The following DPP6 variants were observed in gnomAD, a reference collection of about 807,000 sequenced individuals.
DPP6 encodes dipeptidyl peptidase like 6, also known as A-type potassium channel modulatory protein DPP6.
A neutral mutation model predicts 122.6 loss-of-function variants in DPP6; 69 were observed. The ratio of observed to expected loss-of-function variants is 0.56; its 90% CI spans 0.46 to 0.69. The LOEUF (loss-of-function observed/expected upper bound fraction) is 0.69, where lower values mean the gene tolerates loss of function less well. DPP6 is among the 30% of genes least tolerant of loss of function. The pLI is 0.00. For missense variants in DPP6, 928 were observed against 1,116.9 expected, an observed-to-expected ratio of 0.83 and a Z score of 2.41; for synonymous variants, 418 against 433.1, an observed-to-expected ratio of 0.97 and a Z score of 0.43.
intron 1 of DPP6, among the ~76,000 whole-genome samples, chr7:154,135,856 G>GCACTTCCTGTGAGCCCA (rs1444084282): frequency 1.4e-5 from 2 of 140,386 alleles, no homozygotes; most frequent in African/African-American, 6.5e-5. Context: ...TTCTCTCTGT[G>GCACTTCCTGTGAGCCCA]CACTTCCTGT....
intron 3 of DPP6, among the ~76,000 whole-genome samples, chr7:154,503,679 G>A (rs1825435163): frequency 6.7e-6 from 1 of 149,232 alleles, no homozygotes; most frequent in Non-Finnish European, 1.5e-5. Flanking sequence ...TTTAAGATCA[G>A]CATCAAATAT....
intron 1 of DPP6, among the ~76,000 whole-genome samples, chr7:154,008,811 G>A (rs1467999493): frequency 4.6e-5 from 7 of 151,506 alleles, no homozygotes; most frequent in South Asian, 2.1e-4. Flanking sequence ...ACAGGCGCCC[G>A]CCACTACGCC....
intron 1 of DPP6, among the ~76,000 whole-genome samples, chr7:154,070,876 G>T (rs144095858): frequency 4.6e-5 from 7 of 152,114 alleles, no homozygotes; most frequent in Admixed American, 6.5e-5. Context: ...AGTATGGCAT[G>T]AATAGCTGTT....
In DPP6 at chr7:154,446,207, T is replaced by C. The variant is rs766578018; in HGVS notation, c.244-7T>C. The C allele has an allele frequency of 6.3e-7, 1 of 1,580,728 alleles. No homozygotes were observed. The highest frequency in any genetic ancestry group is 1.2e-5 in the South Asian group (1 of 85,856). On this transcript the variant is annotated splice_region_variant and splice_polypyrimidine_tract_variant and intron_variant, in intron 1 of 25. Transcript: ENST00000377770. ...ACTGGGGTTTTCTTTGTTGTTGCTG[T>C]TTTTAGGAGCTGGTGGGGAGTAACC...
At chr7:154,843,552 G>A (rs374273766) in intron 16 of DPP6, among the ~76,000 whole-genome samples, 15 of 152,282 alleles carry the variant, frequency 9.9e-5, no homozygotes, top group East Asian at 1.9e-4. Flanking sequence ...TTCTGACCAC[G>A]GAATTCTCAT....
At chr7:154,421,278 C>T (rs939003321) in intron 1 of DPP6, among the ~76,000 whole-genome samples, 5 of 151,144 alleles carry the variant, frequency 3.3e-5, no homozygotes, top group African/African-American at 1.2e-4. Context: ...CCCTTGTAAG[C>T]TATGTGATTT....
intron 1 of DPP6, chr7:154,305,162 C>G (rs866527870): frequency 6.0e-6 from 5 of 833,468 alleles, no homozygotes; most frequent in Non-Finnish European, 7.3e-6. Context: ...GCGCATCACT[C>G]GGGTCCCCTT....
chr7:153,942,574 C>T (rs1263240055), intron 1 of DPP6, among the ~76,000 whole-genome samples: 6 of 152,064 alleles, frequency 3.9e-5, no homozygotes, highest in Admixed American at 2.0e-4. Context: ...GGCAGGAGAC[C>T]GGTCTGTAAA....
At chr7:154,249,804 C>G (rs1802233413) in intron 1 of DPP6, among the ~76,000 whole-genome samples, 1 of 152,088 alleles carries the variant, frequency 6.6e-6, no homozygotes, top group Non-Finnish European at 1.5e-5. Flanking sequence ...AGAATTTTGT[C>G]TCAGATCCTC....
At chr7:154,320,784 C>G (rs1057076192) in intron 1 of DPP6, among the ~76,000 whole-genome samples, 1 of 152,122 alleles carries the variant, frequency 6.6e-6, no homozygotes, top group African/African-American at 2.4e-5. Context: ...CTGTGCCCGG[C>G]CCCTATTGTA....
intron 1 of DPP6, among the ~76,000 whole-genome samples, chr7:154,319,157 A>G (rs1375888874): frequency 6.6e-6 from 1 of 152,190 alleles, no homozygotes; most frequent in Non-Finnish European, 1.5e-5. Context: ...AGTCTTACTG[A>G]TTTTTTTACA....
At chr7:154,612,992 T>C (rs1438249412) in intron 5 of DPP6, among the ~76,000 whole-genome samples, 8 of 152,212 alleles carry the variant, frequency 5.3e-5, no homozygotes, top group Non-Finnish European at 1.0e-4. Flanking sequence ...GTCCACCTTC[T>C]AGGCTGCAAA....
chr7:154,551,490 T>C (rs913923003), intron 4 of DPP6, among the ~76,000 whole-genome samples: 4 of 152,186 alleles, frequency 2.6e-5, no homozygotes, highest in African/African-American at 9.7e-5. Flanking sequence ...ATTGTTCAAT[T>C]AAGCATTTCA....
intron 16 of DPP6, among the ~76,000 whole-genome samples, chr7:154,829,893 T>G (rs1800496209): frequency 6.6e-6 from 1 of 152,132 alleles, no homozygotes; most frequent in Admixed American, 6.5e-5. Context: ...CTTCCAGAAG[T>G]GCCTCCTGTG....
chr7:154,609,583 A>T (rs753752902), intron 5 of DPP6, among the ~76,000 whole-genome samples: 1 of 152,186 alleles, frequency 6.6e-6, no homozygotes, highest in Admixed American at 6.5e-5. Flanking sequence ...TCACACACAC[A>T]TGCACATGCA....
chr7:154,572,337 G>A (rs550159979), intron 5 of DPP6, among the ~76,000 whole-genome samples: 6 of 151,998 alleles, frequency 3.9e-5, no homozygotes, highest in East Asian at 3.9e-4. Flanking sequence ...CCATCTGGTC[G>A]AGTTACCTAT....
chr7:154,360,632 G>A (rs79270091), intron 1 of DPP6, among the ~76,000 whole-genome samples: 2,630 of 152,290 alleles, frequency 0.017, 71 homozygotes, highest in African/African-American at 0.059. Context: ...CTGAAAGCAC[G>A]GTAGAAGATG....
intron 1 of DPP6, among the ~76,000 whole-genome samples, chr7:154,255,456 C>G (rs376963216): frequency 1.3e-5 from 2 of 152,268 alleles, no homozygotes; most frequent in South Asian, 4.1e-4. Context: ...CTGAGCCACT[C>G]CCAGCACTGG....
At chr7:154,305,555 A>G (rs1806261009) in intron 1 of DPP6, 1 of 1,598,366 alleles carries the variant, frequency 6.3e-7, no homozygotes, top group South Asian at 1.1e-5. Flanking sequence ...GGAACAGGTA[A>G]TGCTGCTTTT....
Sources: allele counts gnomAD v4.1 joint callset (sites outside exome capture counted in the v4.1 genomes callset), GRCh38; gene constraint gnomAD v4.1.1; transcripts MANE v1.5; gene names NCBI Gene and HGNC (gene_info 2026-07-23, HGNC 2026-07-21).